The following HMGCLL1 variants were observed in gnomAD, a reference collection of about 807,000 sequenced individuals.
The protein encoded by HMGCLL1 is 3-hydroxy-3-methylglutaryl-CoA lyase like 1, also known as 3-hydroxymethyl-3-methylglutaryl-CoA lyase, cytoplasmic.
In HMGCLL1, 36 loss-of-function variants were observed where a neutral mutation model predicts 39.1. The ratio of observed to expected loss-of-function variants is 0.92; its 90% CI spans 0.71 to 1.22. The LOEUF (loss-of-function observed/expected upper bound fraction) is 1.22. HMGCLL1 is among the 50% of genes most tolerant of loss of function. HMGCLL1 has a pLI of 0.00. For missense variants in HMGCLL1, 451 were observed against 416.5 expected, an observed-to-expected ratio of 1.08 and a Z score of -0.72; for synonymous variants, 149 against 144.0, an observed-to-expected ratio of 1.03 and a Z score of -0.25.
the HMGCLL1 span, among the ~76,000 whole-genome samples, chr6:55,622,692 T>C: frequency 2.0e-5 from 3 of 152,094 alleles, no homozygotes; most frequent in African/African-American, 7.2e-5. Flanking sequence ...TACATCAACG[T>C]TCATCAGATA....
Position 55,569,664 on chromosome 6 carries a change from A to G in HMGCLL1, c.108+9284T>C, listed in dbSNP as rs146515010. Among the ~76,000 whole-genome samples, 760 of 152,304 alleles carry G rather than the reference A, an allele frequency of 5.0e-3. 5 individuals are homozygous for G. Among genetic ancestry groups the G allele is most frequent in the African/African-American group, 0.017 (727 of 41,564 alleles). On this transcript the variant is annotated intron_variant, in intron 1 of 8. Coordinates refer to ENST00000274901, the MANE Select transcript of HMGCLL1 (RefSeq NM_001042406.2). Reference sequence around the variant, plus strand: ...AACAGGGAGTGCCGGGTTCATATTGAGCGTTCAGTAGTGGTAGCTGTATAG... The same window carrying G: ...AACAGGGAGTGCCGGGTTCATATTGGGCGTTCAGTAGTGGTAGCTGTATAG...
intron 7 of HMGCLL1, among the ~76,000 whole-genome samples, chr6:55,442,041 GAGA>G (rs1261161116): frequency 6.6e-6 from 1 of 152,028 alleles, no homozygotes; most frequent in Admixed American, 6.6e-5. Flanking sequence ...AGAGTTTTGG[GAGA>G]AGACCACAGA....
chr6:55,590,557 T>G, the HMGCLL1 span, among the ~76,000 whole-genome samples: 1 of 152,046 alleles, frequency 6.6e-6, no homozygotes, highest in African/African-American at 2.4e-5. Context: ...AAATGGGATC[T>G]AATTAAACTA....
intron 1 of HMGCLL1, among the ~76,000 whole-genome samples, chr6:55,575,327 C>T (rs1369051136): frequency 3.3e-5 from 5 of 152,028 alleles, no homozygotes; most frequent in Non-Finnish European, 7.4e-5. Flanking sequence ...GCCTTTCATT[C>T]ATATTTATTC....
At chr6:55,624,331 T>C in the HMGCLL1 span, among the ~76,000 whole-genome samples, 1 of 152,172 alleles carries the variant, frequency 6.6e-6, no homozygotes, top group Non-Finnish European at 1.5e-5. Context: ...GCTGCTGTAC[T>C]AGATGTGGTT....
intron 7 of HMGCLL1, among the ~76,000 whole-genome samples, chr6:55,452,653 G>C (rs985077837): frequency 3.9e-5 from 6 of 152,164 alleles, no homozygotes; most frequent in Non-Finnish European, 5.9e-5. Flanking sequence ...GTAAAGCTGA[G>C]ATTCAGAATC....
chr6:55,490,486 C>T (rs181681171), intron 7 of HMGCLL1, among the ~76,000 whole-genome samples: 5 of 152,256 alleles, frequency 3.3e-5, no homozygotes, highest in Admixed American at 3.3e-4. Context: ...AATTTTTCTA[C>T]TACTTGCCCA....
At chr6:55,597,930 A>G in the HMGCLL1 span, among the ~76,000 whole-genome samples, 1 of 152,168 alleles carries the variant, frequency 6.6e-6, no homozygotes, top group African/African-American at 2.4e-5. Flanking sequence ...ATGATATATA[A>G]AAATAAATAT....
chr6:55,582,336 T>C (rs1771999418), upstream of HMGCLL1, among the ~76,000 whole-genome samples: 1 of 152,212 alleles, frequency 6.6e-6, no homozygotes, highest in Admixed American at 6.5e-5. Context: ...CTATTATTAT[T>C]ATTAATACAG....
At chr6:55,467,166 T>C (rs1021263791) in intron 7 of HMGCLL1, among the ~76,000 whole-genome samples, 1 of 152,100 alleles carries the variant, frequency 6.6e-6, no homozygotes, top group Non-Finnish European at 1.5e-5. Context: ...CTTCTTCTAA[T>C]AAGCCACATT....
At chr6:55,677,382 C>A in the HMGCLL1 span, among the ~76,000 whole-genome samples, 1 of 151,900 alleles carries the variant, frequency 6.6e-6, no homozygotes, top group Non-Finnish European at 1.5e-5. Flanking sequence ...ACAGAAACAA[C>A]CCCCCCGACA....
chr6:55,484,344 A>G (rs990081332), intron 7 of HMGCLL1, among the ~76,000 whole-genome samples: 2 of 149,680 alleles, frequency 1.3e-5, no homozygotes, highest in African/African-American at 4.9e-5. Flanking sequence ...CTCTGCTCTG[A>G]TCTCTTAAGG....
chr6:55,599,160 G>A, the HMGCLL1 span, among the ~76,000 whole-genome samples: 1 of 152,024 alleles, frequency 6.6e-6, no homozygotes, highest in Admixed American at 6.6e-5. Flanking sequence ...AACACCTAGT[G>A]TAGATGACGG....
chr6:55,534,324 GA>G (rs1215029724), intron 3 of HMGCLL1, among the ~76,000 whole-genome samples: 1 of 152,076 alleles, frequency 6.6e-6, no homozygotes, highest in African/African-American at 2.4e-5. Flanking sequence ...TGCTCTTCCA[GA>G]ATGCTGTGAC....
At chr6:55,596,806 A>G in the HMGCLL1 span, among the ~76,000 whole-genome samples, 1 of 152,186 alleles carries the variant, frequency 6.6e-6, no homozygotes, top group Admixed American at 6.5e-5. Flanking sequence ...TCAATTTTTC[A>G]TTTAACAATC....
chr6:55,619,768 G>T, the HMGCLL1 span, among the ~76,000 whole-genome samples: 1 of 151,886 alleles, frequency 6.6e-6, no homozygotes, highest in Non-Finnish European at 1.5e-5. Context: ...TCACTCTGTT[G>T]TGCTATCAAA....
At chr6:55,595,755 G>A in the HMGCLL1 span, among the ~76,000 whole-genome samples, 5 of 151,936 alleles carry the variant, frequency 3.3e-5, no homozygotes, top group African/African-American at 1.2e-4. Flanking sequence ...TGGCCAAACT[G>A]GGGGAAATAC....
At position 55,476,191 on chromosome 6, in the gene HMGCLL1, C is replaced by T. The variant is rs111386398; in HGVS notation, c.795+19228G>A. 2.3e-3 allele frequency among the ~76,000 whole-genome samples: 348 copies of T among 151,578 alleles called. 4 individuals are homozygous for T. The highest frequency in any genetic ancestry group is 8.5e-3 in the South Asian group (41 of 4,820). On this transcript the variant is annotated intron_variant, in intron 7 of 8. Coordinates refer to ENST00000274901, the MANE Select transcript of HMGCLL1 (RefSeq NM_001042406.2). ...AAACTGGTATTTGTTCAATATTGAG[C>T]CTTCCAAGCCTGAAACTTATCTCTC...
intron 7 of HMGCLL1, among the ~76,000 whole-genome samples, chr6:55,482,474 C>T (rs185126726): frequency 5.7e-4 from 87 of 152,178 alleles, no homozygotes; most frequent in Non-Finnish European, 1.0e-3. Context: ...ACACTTATAA[C>T]TCTAAGGTCT....
Sources: allele counts gnomAD v4.1 joint callset (sites outside exome capture counted in the v4.1 genomes callset), GRCh38; gene constraint gnomAD v4.1.1; transcripts MANE v1.5; gene names NCBI Gene and HGNC (gene_info 2026-07-23, HGNC 2026-07-21).